TMEM18: variants seen among roughly 807,000 people sequenced by gnomAD.
TMEM18 encodes transmembrane protein 18.
TMEM18 carries 14 observed loss-of-function variants against 17.4 expected under a neutral mutation model. The observed-to-expected ratio is 0.80, with a 90% CI of 0.53 to 1.25. The LOEUF (loss-of-function observed/expected upper bound fraction) is 1.25, where lower values mean the gene tolerates loss of function less well. TMEM18 is among the 50% of genes most tolerant of loss of function. TMEM18 has a pLI of 0.00. For missense variants in TMEM18, 187 were observed against 172.1 expected, an observed-to-expected ratio of 1.09 and a Z score of -0.48; for synonymous variants, 86 against 66.1, an observed-to-expected ratio of 1.30 and a Z score of -1.46.
At position 675,580 on chromosome 2, in the gene TMEM18, C is replaced by T. The variant is rs200299156; in HGVS notation, c.108G>A (p.Ala36=). Reference sequence around the variant, plus strand: ...ACAAGCAGGTGAGGAGCACGCAGAGCGCGTGGAAGGTGGCCAGCCCCATGA... The same window carrying T: ...ACAAGCAGGTGAGGAGCACGCAGAGTGCGTGGAAGGTGGCCAGCCCCATGA... ...PWLMGLATFH[A]LCVLLTCLSS... Residue 36 remains alanine, a synonymous_variant, in exon 2 of 5, where the codon GCG becomes GCA. Coordinates refer to ENST00000281017, the MANE Select transcript of TMEM18 (RefSeq NM_152834.4). The T allele has an allele frequency of 9.2e-5, 149 of 1,614,190 alleles. No individual in the cohort carries two copies. The highest frequency in any genetic ancestry group is 8.2e-4 in the Middle Eastern group (5 of 6,062).
At position 669,519 on chromosome 2, in the gene TMEM18, C is replaced by A. The variant is rs1678780367; in HGVS notation, c.*61G>T. The A allele has an allele frequency of 2.6e-6, 4 of 1,544,512 alleles. No homozygotes were observed. Among genetic ancestry groups the A allele is most frequent in the Non-Finnish European group, 2.7e-6 (3 of 1,120,412 alleles). On this transcript the variant is annotated 3_prime_UTR_variant, in exon 5 of 5. Transcript: ENST00000281017. ...AAGGATGCCCACGCCACGCACACTGCAGCACTGGGAGCTGCACTGGGTGGA... is the reference window on the plus strand; with the variant it reads ...AAGGATGCCCACGCCACGCACACTGAAGCACTGGGAGCTGCACTGGGTGGA...
Position 669,490 on chromosome 2 carries a change from C to G in TMEM18, c.*90G>C. The G allele has an allele frequency of 2.3e-6, 3 of 1,294,654 alleles. No individual in the cohort carries two copies. Among genetic ancestry groups the G allele is most frequent in the Non-Finnish European group, 3.3e-6 (3 of 910,848 alleles). 80.2% of individuals were successfully genotyped at this position (1,294,654 alleles called of 1,614,324 possible). On this transcript the variant is annotated 3_prime_UTR_variant, in exon 5 of 5. Coordinates refer to ENST00000281017, the MANE Select transcript of TMEM18 (RefSeq NM_152834.4). ...AACGGTTTTTCAAACCATGAGTCAGCTGGAAGGATGCCCACGCCACGCACA... is the reference window on the plus strand; with the variant it reads ...AACGGTTTTTCAAACCATGAGTCAGGTGGAAGGATGCCCACGCCACGCACA...
rs558760831 is a variant in TMEM18, at chr2:665,438, G to T, written c.*4142C>A. ...AACCCCACATACAACAGGACCCAGA[G>T]ATGCAGATGCTCCACTCACTCAGAT... On this transcript the variant is annotated 3_prime_UTR_variant, in exon 5 of 5. Coordinates refer to ENST00000281017, the MANE Select transcript of TMEM18 (RefSeq NM_152834.4). Among the ~76,000 whole-genome samples the T allele has an allele frequency of 6.6e-6, 1 of 150,942 alleles. No homozygotes were observed. The highest frequency in any genetic ancestry group is 6.6e-5 in the Admixed American group (1 of 15,154).
intron 1 of TMEM18, chr2:675,882 A>C: frequency 6.8e-7 from 1 of 1,481,364 alleles, no homozygotes; most frequent in Non-Finnish European, 9.0e-7. Flanking sequence ...TTCAAAGTTC[A>C]AGCACACAGA....
intron 2 of TMEM18, among the ~76,000 whole-genome samples, chr2:674,172 C>T (rs1292313350): frequency 1.3e-5 from 2 of 152,146 alleles, no homozygotes; most frequent in Non-Finnish European, 2.9e-5. Flanking sequence ...TAGTATTACC[C>T]CGGTGTGAAA....
chr2:670,006 C>A, intron 3 of TMEM18, 156 bp from the exon 4 acceptor site: 1 of 620,136 alleles, frequency 1.6e-6, no homozygotes, highest in Non-Finnish European at 2.8e-6. Context: ...CGGTAATCTC[C>A]ACTGTACTGT....
At chr2:671,170 C>A (rs139415144) in intron 3 of TMEM18, among the ~76,000 whole-genome samples, 1 of 152,116 alleles carries the variant, frequency 6.6e-6, no homozygotes, top group African/African-American at 2.4e-5. Flanking sequence ...GTGGGACAGG[C>A]AAGAAACCCA....
rs998460388 is a variant in TMEM18, at chr2:667,327, A to G, written c.*2253T>C. On this transcript the variant is annotated 3_prime_UTR_variant, in exon 5 of 5. Transcript: ENST00000281017. ...ATTTTTTTGAAAAAAACAAAAAAAA[A>G]TACTACATATTATTAAAGATGTATT... 8.5e-5 allele frequency: 13 copies of G among 152,222 alleles called. No homozygotes were observed. The highest frequency in any genetic ancestry group is 2.9e-5 in the Non-Finnish European group (2 of 68,044). 9.4% of individuals were successfully genotyped at this position (152,222 alleles called of 1,614,324 possible). A position where few individuals can be genotyped will look rare whatever the true frequency, so the allele number is the denominator to read the frequency against.
chr2:674,865 G>A (rs993063410), intron 2 of TMEM18, among the ~76,000 whole-genome samples: 3 of 152,230 alleles, frequency 2.0e-5, no homozygotes, highest in African/African-American at 4.8e-5. Context: ...AGCATCAGAA[G>A]TGCTTAGGTC....
At position 675,452 on chromosome 2, in the gene TMEM18, TAC is replaced by T. The variant is rs371591837; in HGVS notation, c.178+56_178+57del. ...ATATTTCGAAGACACAGACAGAACA[TAC>T]ACAGTTTCATTTCACACAGTGATCT... On this transcript the variant is annotated intron_variant, in intron 2 of 4. Coordinates refer to ENST00000281017, the MANE Select transcript of TMEM18 (RefSeq NM_152834.4). The T allele has an allele frequency of 3.3e-4, 526 of 1,611,914 alleles. 3 individuals are homozygous for T. In the African/African-American group the frequency reaches 6.2e-3, roughly 19 times the overall value.
Position 675,633 on chromosome 2 carries a change from G to A in TMEM18, c.58-3C>T, listed in dbSNP as rs1454162530. 4 of 1,613,692 alleles carry A rather than the reference G, an allele frequency of 2.5e-6. No homozygotes were observed. Among genetic ancestry groups the A allele is most frequent in the Non-Finnish European group, 3.4e-6 (4 of 1,179,990 alleles). ...CAGGGCTCAGTCCAGTCCGTCTGCT[G>A]TAGGAACACACCAGCAGACACTCAC... is the stretch of plus-strand genomic sequence containing the variant. On this transcript the variant is annotated splice_polypyrimidine_tract_variant and splice_region_variant and intron_variant, in intron 1 of 4. Coordinates refer to ENST00000281017, the MANE Select transcript of TMEM18 (RefSeq NM_152834.4).
At chr2:676,666 G>A in intron 1 of TMEM18, 1 of 1,546,904 alleles carries the variant, frequency 6.5e-7, no homozygotes. Flanking sequence ...CACGTGGGGC[G>A]TGGGCTCCCC....
Position 666,291 on chromosome 2 carries a change from C to T in TMEM18, c.*3289G>A, listed in dbSNP as rs1475401937. Among the ~76,000 whole-genome samples, 1 of 152,218 alleles carries T rather than the reference C, an allele frequency of 6.6e-6. No homozygotes were observed. The highest frequency in any genetic ancestry group is 1.5e-5 in the Non-Finnish European group (1 of 68,044). On this transcript the variant is annotated 3_prime_UTR_variant, in exon 5 of 5. Transcript: ENST00000281017. ...CCTCTGCTTGGCTGCCTGAAGGCTGCAGGGAGCTCCTTCTCTGTCCTCAGG... is the reference window on the plus strand; with the variant it reads ...CCTCTGCTTGGCTGCCTGAAGGCTGTAGGGAGCTCCTTCTCTGTCCTCAGG...
intron 2 of TMEM18, 142 bp downstream of exon 2, chr2:675,368 G>A (rs1450593793): frequency 1.9e-5 from 23 of 1,225,426 alleles, no homozygotes; most frequent in Non-Finnish European, 2.4e-5. Flanking sequence ...GTGAAAAACG[G>A]GAGTGCCCTG....
rs1436648664 is a variant in TMEM18 at position 666,252 on chromosome 2, T to C, written c.*3328A>G. ...TTACAGAGCAGACCCTATGGCCACA[T>C]GCTTGGACTTAGGCCTCTGCTTGGC... is the stretch of plus-strand genomic sequence containing the variant. On this transcript the variant is annotated 3_prime_UTR_variant, in exon 5 of 5. Coordinates refer to ENST00000281017, the MANE Select transcript of TMEM18 (RefSeq NM_152834.4). Among the ~76,000 whole-genome samples the C allele has an allele frequency of 6.6e-6, 1 of 152,200 alleles. No individual in the cohort carries two copies. The highest frequency in any genetic ancestry group is 1.5e-5 in the Non-Finnish European group (1 of 68,020).
chr2:673,812 A>C (rs1479932402), intron 2 of TMEM18, among the ~76,000 whole-genome samples: 1 of 150,046 alleles, frequency 6.7e-6, no homozygotes, highest in Non-Finnish European at 1.5e-5. Context: ...GAGAAGCAGG[A>C]CAGCCAGGCA....
Position 667,767 on chromosome 2 carries a change from G to T in TMEM18, c.*1813C>A, listed in dbSNP as rs1297423750. ...TCCAAAACACAGACACACACATGCA[G>T]AATGAAAATCAAAGACCACACGTCA... On this transcript the variant is annotated 3_prime_UTR_variant, in exon 5 of 5. Transcript: ENST00000281017. 1 of 152,196 alleles carries T rather than the reference G, an allele frequency of 6.6e-6. No individual in the cohort carries two copies. Among genetic ancestry groups the T allele is most frequent in the African/African-American group, 2.4e-5 (1 of 41,430 alleles). The allele number at this position is 152,196 out of a possible 1,614,324, so 9.4% of individuals were successfully genotyped here. A position where few individuals can be genotyped will look rare whatever the true frequency, so the allele number is the denominator to read the frequency against.
In TMEM18 at chr2:673,641, C is replaced by T. The variant is rs149212811; in HGVS notation, c.179-779G>A. On this transcript the variant is annotated intron_variant, in intron 2 of 4. Coordinates refer to ENST00000281017, the MANE Select transcript of TMEM18 (RefSeq NM_152834.4). ...AGAAAGCAGATTAAACTAGGGGCTA[C>T]GGTGAGCAGTCCCTCCACTTCCTCC... is the stretch of plus-strand genomic sequence containing the variant. Among the ~76,000 whole-genome samples, 192 of 151,926 alleles carry T rather than the reference C, an allele frequency of 1.3e-3. 5 individuals are homozygous for T. In the East Asian group the frequency reaches 0.035, roughly 27 times the overall value.
chr2:675,303 C>G (rs1678968030), intron 2 of TMEM18, among the ~76,000 whole-genome samples: 1 of 152,258 alleles, frequency 6.6e-6, no homozygotes, highest in African/African-American at 2.4e-5. Flanking sequence ...AGGAACTCAA[C>G]AGATTCCTCT....
Sources: gnomAD v4.1 joint callset for allele counts (sites outside exome capture counted in the v4.1 genomes callset) on GRCh38, gnomAD v4.1.1 for gene constraint, MANE v1.5 for transcripts, NCBI Gene and HGNC (gene_info 2026-07-23, HGNC 2026-07-21) for gene names.